The following TRAF5 variants were observed in gnomAD, a reference collection of about 807,000 sequenced individuals.
TRAF5 encodes TNF receptor-associated factor 5.
TRAF5 carries 48 observed loss-of-function variants against 64.5 expected under a neutral mutation model. The observed-to-expected ratio is 0.74, with a 90% CI of 0.59 to 0.95. The LOEUF is 0.95. Among genes scored for constraint, TRAF5 ranks in the 40% least tolerant of loss-of-function variants. TRAF5 has a pLI of 0.00. For synonymous variants in TRAF5, 206 were observed against 240.5 expected (o/e 0.86, Z 1.33); for missense variants, 545 against 662.8 (o/e 0.82, Z 1.95).
chr1:211,359,719 GC>G, intron 4 of TRAF5, 192 bp from the exon 5 acceptor site: 1 of 530,692 alleles, frequency 1.9e-6, no homozygotes. Flanking sequence ...GGTACAAGCA[GC>G]CCTCCCCATG....
At position 211,356,416 on chromosome 1, in the gene TRAF5, A is replaced by G. The variant is rs754581191; in HGVS notation, c.326A>G (p.Tyr109Cys). The change falls in exon 4 of 11, where the codon TAT becomes TGT. Residue 109 changes from tyrosine (Y) to cysteine (C), a missense_variant. Tyr to Cys is a radical substitution (Grantham distance 194). Transcript: ENST00000261464. ...CKREVLNLYV[Y>C]CSNAPGCNAK... ...AGAGAAGTCCTCAACTTATATGTAT[A>G]TTGCAGCAATGCTCCTGGATGTAAT... The G allele has an allele frequency of 7.4e-6, 12 of 1,614,168 alleles. No individual in the cohort carries two copies. The South Asian group carries it at 9.9e-5, about 13-fold the overall frequency.
chr1:211,361,738 A>G (rs912716173), intron 7 of TRAF5, among the ~76,000 whole-genome samples: 1 of 127,004 alleles, frequency 7.9e-6, no homozygotes, highest in African/African-American at 3.2e-5. Flanking sequence ...TTGCTCTGTC[A>G]CAGGCTGGAG....
In TRAF5 at chr1:211,374,473, A is replaced by C. The variant is rs1703632873; in HGVS notation, c.*1771A>C. ...TCTTAATCTCTTCTGTGGGATTTTC[A>C]AAATGCTAAAGACTCACACTGCAGC... On this transcript the variant is annotated 3_prime_UTR_variant, in exon 11 of 11. Transcript: ENST00000261464. 1 of 152,232 alleles carries C rather than the reference A, an allele frequency of 6.6e-6. No individual in the cohort carries two copies. Among genetic ancestry groups the C allele is most frequent in the African/African-American group, 2.4e-5 (1 of 41,450 alleles). The allele number at this position is 152,232 out of a possible 1,614,324, so 9.4% of individuals were successfully genotyped here. A position where few individuals can be genotyped will look rare whatever the true frequency, so the allele number is the denominator to read the frequency against.
chr1:211,362,244 C>T (rs2102759821), intron 7 of TRAF5, among the ~76,000 whole-genome samples: 1 of 152,128 alleles, frequency 6.6e-6, no homozygotes, highest in Admixed American at 6.5e-5. Context: ...TTAATAGATT[C>T]CAGGTGGAGC....
intron 1 of TRAF5, among the ~76,000 whole-genome samples, chr1:211,340,395 C>T (rs1702415194): frequency 6.6e-6 from 1 of 152,212 alleles, no homozygotes; most frequent in Non-Finnish European, 1.5e-5. Context: ...AGTGATTCTC[C>T]TGCCTCAGCC....
intron 1 of TRAF5, among the ~76,000 whole-genome samples, chr1:211,328,582 C>CTGAA (rs1217340600): frequency 6.6e-6 from 1 of 151,974 alleles, no homozygotes; most frequent in Non-Finnish European, 1.5e-5. Flanking sequence ...CTGCCGTCCA[C>CTGAA]TGAACGTCCT....
At chr1:211,350,342 A>C (rs1241176812) in intron 1 of TRAF5, among the ~76,000 whole-genome samples, 2 of 151,040 alleles carry the variant, frequency 1.3e-5, no homozygotes, top group Admixed American at 6.6e-5. Flanking sequence ...TCAGCCTCCC[A>C]GGTAGCTTGT....
At chr1:211,346,237 T>G in intron 1 of TRAF5, 1 of 394,070 alleles carries the variant, frequency 2.5e-6, no homozygotes, top group Non-Finnish European at 3.5e-6. Context: ...GAAATCTCTG[T>G]TTGTGGTACT....
At chr1:211,350,355 G>A (rs1038746583) in intron 1 of TRAF5, among the ~76,000 whole-genome samples, 1 of 151,382 alleles carries the variant, frequency 6.6e-6, no homozygotes, top group Non-Finnish European at 1.5e-5. Flanking sequence ...TAGCTTGTGC[G>A]AAGGCCCTGT....
At position 211,360,173 on chromosome 1, in the gene TRAF5, A is replaced by G. The variant is rs537912009; in HGVS notation, c.543+97A>G. 8.4e-6 allele frequency: 11 copies of G among 1,317,032 alleles called. No homozygotes were observed. The East Asian group carries it at 1.9e-4, about 22-fold the overall frequency. The allele number at this position is 1,317,032 out of a possible 1,614,324, so 81.6% of individuals were successfully genotyped here. A position where few individuals can be genotyped will look rare whatever the true frequency, so the allele number is the denominator to read the frequency against. On this transcript the variant is annotated intron_variant, in intron 5 of 10. Transcript: ENST00000261464. ...TGGAATGCCAGAAGAACATTCCTGC[A>G]TTTATTTTTGTACAGAATTAGGTCT...
At chr1:211,353,516 G>C in intron 2 of TRAF5, 59 bp downstream of exon 2, 1 of 1,520,674 alleles carries the variant, frequency 6.6e-7, no homozygotes, top group Non-Finnish European at 8.9e-7. Context: ...GGTGGCAACT[G>C]TGGCCACTCA....
intron 1 of TRAF5, among the ~76,000 whole-genome samples, chr1:211,339,930 T>C (rs1342621137): frequency 6.6e-6 from 1 of 152,226 alleles, no homozygotes; most frequent in East Asian, 1.9e-4. Flanking sequence ...TTTGGAAATA[T>C]AAACTTACAC....
chr1:211,352,472 T>C (rs1702819020), intron 1 of TRAF5, among the ~76,000 whole-genome samples: 1 of 150,000 alleles, frequency 6.7e-6, no homozygotes. Context: ...GTTTTTTTTT[T>C]TTTTTAATTG....
intron 1 of TRAF5, among the ~76,000 whole-genome samples, chr1:211,334,613 G>A (rs1240239739): frequency 2.0e-5 from 3 of 152,080 alleles, no homozygotes; most frequent in Non-Finnish European, 4.4e-5. Context: ...AGCCGAGATC[G>A]CACCACTGCA....
In TRAF5 at chr1:211,344,781, C is replaced by T. The variant is rs78866185; in HGVS notation, c.-1-8458C>T. On this transcript the variant is annotated intron_variant, in intron 1 of 10. Coordinates refer to ENST00000261464, the MANE Select transcript of TRAF5 (RefSeq NM_001033910.3). ...TCCTTTTTTAAGTTAAGGTCTTTCT[C>T]TGTCGCCCAGGGTGGAGTGCAGTGG... Among the ~76,000 whole-genome samples the T allele has an allele frequency of 9.1e-3, 1,391 of 152,254 alleles. 21 individuals are homozygous for T. The highest frequency in any genetic ancestry group is 0.032 in the African/African-American group (1,318 of 41,526).
intron 1 of TRAF5, among the ~76,000 whole-genome samples, chr1:211,345,435 G>A (rs1030449256): frequency 6.6e-6 from 1 of 150,774 alleles, no homozygotes; most frequent in Non-Finnish European, 1.5e-5. Context: ...AGGATTCAAC[G>A]CCAGCCATGA....
At chr1:211,331,453 A>G (rs1702153750) in intron 1 of TRAF5, among the ~76,000 whole-genome samples, 1 of 152,160 alleles carries the variant, frequency 6.6e-6, no homozygotes, top group African/African-American at 2.4e-5. Flanking sequence ...AATGTGTGCC[A>G]CTTGGGGTTG....
chr1:211,372,642 T>C lies in TRAF5; in HGVS notation c.1614T>C (p.Ile538=). 1 of 1,614,174 alleles carries C rather than the reference T, an allele frequency of 6.2e-7. No individual in the cohort carries two copies. The part of the protein sequence containing the change: ...SVLENAKNAY[I]KDDTLFLKVA... ...TGGAGAATGCCAAGAACGCCTACAT[T>C]AAAGATGACACTCTGTTCTTGAAAG... Residue 538 remains isoleucine (I), a synonymous_variant, in exon 11 of 11, where the codon ATT becomes ATC. Coordinates refer to ENST00000261464, the MANE Select transcript of TRAF5 (RefSeq NM_001033910.3).
chr1:211,351,612 G>A (rs1013776552), intron 1 of TRAF5, among the ~76,000 whole-genome samples: 1 of 151,994 alleles, frequency 6.6e-6, no homozygotes, highest in East Asian at 1.9e-4. Flanking sequence ...TTATGTTTAT[G>A]TCTGTGATCC....
Sources: gnomAD v4.1 joint callset for allele counts (sites outside exome capture counted in the v4.1 genomes callset) on GRCh38, gnomAD v4.1.1 for gene constraint, MANE v1.5 for transcripts, NCBI Gene and HGNC (gene_info 2026-07-23, HGNC 2026-07-21) for gene names.